STARD9: variants seen among roughly 807,000 people sequenced by gnomAD.
STARD9 encodes StAR related lipid transfer domain containing 9.
STARD9 carries 346 observed loss-of-function variants against 399.8 expected under a neutral mutation model. That is an observed-to-expected ratio of 0.87 (90% CI 0.79 to 0.95). The LOEUF is 0.95. STARD9 is among the 40% of genes least tolerant of loss of function. STARD9 has a pLI of 0.00. For missense variants in STARD9, 5,832 were observed against 5,667.5 expected (o/e 1.03, Z -0.93); for synonymous variants, 2,203 against 2,143.5 (o/e 1.03, Z -0.77).
chr15:42,703,363 GTTTGT>G (rs1039925757), intron 26 of STARD9, among the ~76,000 whole-genome samples: 9 of 123,428 alleles, frequency 7.3e-5, no homozygotes, highest in African/African-American at 3.4e-4. Context: ...TTTTTGTTTT[GTTTGT>G]TTTTTTTTTT....
At chr15:42,695,984 CCT>C in intron 26 of STARD9, 104 bp downstream of exon 26, 1 of 1,272,416 alleles carries the variant, frequency 7.9e-7, no homozygotes, top group Non-Finnish European at 1.1e-6. Flanking sequence ...CGCCGTGCCT[CCT>C]GGAGGCCACT....
At position 42,689,293 on chromosome 15, in the gene STARD9, G is replaced by A; in HGVS notation, c.7715G>A (p.Gly2572Asp). 1 of 1,537,210 alleles carries A rather than the reference G, an allele frequency of 6.5e-7. No individual in the cohort carries two copies. Reference sequence around the variant, plus strand: ...CAGCTTCATGACTTTGTGGCCAGGGGCACAGTCCTTTCTTACTGTGAAACT... The same window carrying A: ...CAGCTTCATGACTTTGTGGCCAGGGACACAGTCCTTTCTTACTGTGAAACT... ...RKQLHDFVAR[G>D]TVLSYCETLL... Residue 2572 changes from glycine to aspartate, a missense_variant, in exon 23 of 33, where the codon GGC becomes GAC. Physicochemically the swap from Gly to Asp is moderately conservative, Grantham distance 94 (BLOSUM62 -1). Around this residue, in one of 2 missense-constraint regions of STARD9, gnomAD observed 5,828 missense variants for 5,651.1 expected, o/e 1.03. Transcript: ENST00000290607.
rs1386429529 is a variant in STARD9, at chr15:42,690,816, G to C, written c.9238G>C (p.Gly3080Arg). The stretch of plus-strand genomic sequence containing the variant: ...CCACTCAGCTACTGATGGAAGCGTG[G>C]GGTTAATAGGGGTTCCTGAGAAAAA... The part of the protein sequence containing the change: ...FSHSATDGSV[G>R]LIGVPEKKVA... Residue 3080 changes from glycine (G) to arginine (R), a missense_variant, in exon 23 of 33, where the codon GGG becomes CGG. Physicochemically the swap from Gly to Arg is moderately radical, Grantham distance 125. Coordinates refer to ENST00000290607, the MANE Select transcript of STARD9 (RefSeq NM_020759.3). 1 of 1,537,184 alleles carries C rather than the reference G, an allele frequency of 6.5e-7. No individual in the cohort carries two copies. The highest frequency in any genetic ancestry group is 2.4e-5 in the East Asian group (1 of 40,916).
chr15:42,692,539 C>T lies in STARD9; in HGVS notation c.10961C>T (p.Thr3654Ile). The part of the protein sequence containing the change: ...TLGSRRHWSS[T>I]DISFAQPEAS... ...GGCAGCAGGCGCCACTGGAGCAGCA[C>T]TGACATCTCCTTTGCTCAGCCTGAA... Residue 3654 changes from threonine (T) to isoleucine (I), a missense_variant, in exon 23 of 33, where the codon ACT becomes ATT. Physicochemically the swap from Thr to Ile is moderately conservative, Grantham distance 89. Coordinates refer to ENST00000290607, the MANE Select transcript of STARD9 (RefSeq NM_020759.3). The T allele has an allele frequency of 1.3e-6, 2 of 1,537,206 alleles. No homozygotes were observed. Among genetic ancestry groups the T allele is most frequent in the Non-Finnish European group, 1.7e-6 (2 of 1,146,916 alleles).
rs1413843830 is a variant in STARD9, at chr15:42,693,283, T to C, written c.11705T>C (p.Leu3902Pro). The change falls in exon 23 of 33, where the codon CTC becomes CCC. Residue 3902 changes from leucine (L) to proline (P), a missense_variant. By Grantham distance (98) the Leu-to-Pro change is moderately conservative. Transcript: ENST00000290607. ...GTGGACAGGGCCTCCTCCCCAATCC[T>C]CACTCTTAGTGCCAGCACCCAAGAG... is the stretch of plus-strand genomic sequence containing the variant. ...LFVDRASSPI[L>P]TLSASTQEPG... 1 of 1,537,010 alleles carries C rather than the reference T, an allele frequency of 6.5e-7. No individual in the cohort carries two copies. The highest frequency in any genetic ancestry group is 8.7e-7 in the Non-Finnish European group (1 of 1,146,848).
chr15:42,701,766 A>T (rs1179476717), intron 26 of STARD9, among the ~76,000 whole-genome samples: 1 of 152,020 alleles, frequency 6.6e-6, no homozygotes, highest in Non-Finnish European at 1.5e-5. Context: ...AGGCTGAGGC[A>T]GGCTGATCAC....
chr15:42,628,324 T>C (rs1380870710), intron 3 of STARD9, among the ~76,000 whole-genome samples: 1 of 152,238 alleles, frequency 6.6e-6, no homozygotes, highest in Non-Finnish European at 1.5e-5. Flanking sequence ...GTATTCTGGT[T>C]ATTAATCCTT....
At chr15:42,655,452 T>C (rs552969470) in intron 9 of STARD9, among the ~76,000 whole-genome samples, 46 of 152,320 alleles carry the variant, frequency 3.0e-4, no homozygotes, top group African/African-American at 1.1e-3. Context: ...AGTCAACCGA[T>C]CTTTGACAAA....
At position 42,718,958 on chromosome 15, in the gene STARD9, C is replaced by A. The variant is rs976281898; in HGVS notation, c.14001+48C>A. ...CCTCACAGCACAGGCTGACTTGGTC[C>A]CACAGCCCCCTGGGATTTTTCTGTC... is the stretch of plus-strand genomic sequence containing the variant. On this transcript the variant is annotated intron_variant, in intron 32 of 32. Transcript: ENST00000290607. The A allele has an allele frequency of 2.0e-6, 3 of 1,505,528 alleles. No individual in the cohort carries two copies. In the African/African-American group the frequency reaches 4.1e-5, roughly 21 times the overall value. The allele number at this position is 1,505,528 out of a possible 1,614,324, so 93.3% of individuals were successfully genotyped here.
intron 16 of STARD9, chr15:42,672,867 G>A (rs1207744959): frequency 6.6e-6 from 1 of 152,318 alleles, no homozygotes; most frequent in Non-Finnish European, 1.5e-5. Context: ...GGAGGCTGAG[G>A]TAGGCAGATC....
rs146459697 is a variant in STARD9 at position 42,710,379 on chromosome 15, T to C, written c.13285-6298T>C. 1.2e-4 allele frequency among the ~76,000 whole-genome samples: 18 copies of C among 152,200 alleles called. 1 individual carries two copies. In the East Asian group the frequency reaches 3.3e-3, roughly 28 times the overall value. ...GCCTGGCCCTTGAGCACTTCTTTAA[T>C]TGATTTTTTTATTGTTATAATCCAT... On this transcript the variant is annotated intron_variant, in intron 26 of 32. Transcript: ENST00000290607.
chr15:42,618,793 C>G lies in STARD9; in HGVS notation c.235-16063C>G, dbSNP rs553955311. Reference sequence around the variant, plus strand: ...TGTATTTTTATTAGAGATGGGGTTTCACCATCTTGACCTTGTGATCCACCT... The same window carrying G: ...TGTATTTTTATTAGAGATGGGGTTTGACCATCTTGACCTTGTGATCCACCT... On this transcript the variant is annotated intron_variant, in intron 3 of 32. Coordinates refer to ENST00000290607, the MANE Select transcript of STARD9 (RefSeq NM_020759.3). Among the ~76,000 whole-genome samples, 72 of 152,036 alleles carry G rather than the reference C, an allele frequency of 4.7e-4. 1 individual carries two copies. In the South Asian group the frequency reaches 0.015, roughly 31 times the overall value.
At chr15:42,707,458 G>C (rs1447044790) in intron 26 of STARD9, among the ~76,000 whole-genome samples, 3 of 149,642 alleles carry the variant, frequency 2.0e-5, no homozygotes, top group Non-Finnish European at 4.4e-5. Context: ...GCAGAATACT[G>C]AGTGAAAAAC....
At position 42,693,605 on chromosome 15, in the gene STARD9, C is replaced by T. The variant is rs1020526167; in HGVS notation, c.12027C>T (p.Ile4009=). 42 of 1,537,126 alleles carry T rather than the reference C, an allele frequency of 2.7e-5. No individual in the cohort carries two copies. The highest frequency in any genetic ancestry group is 1.1e-4 in the African/African-American group (8 of 73,050). ...AGCAGCTTCAGCCCAGGACAACTATCGGGGTCCAAAGCAGACTGCTGCCAC... is the reference window on the plus strand; with the variant it reads ...AGCAGCTTCAGCCCAGGACAACTATTGGGGTCCAAAGCAGACTGCTGCCAC... The part of the protein sequence containing the change: ...HPQQLQPRTT[I]GVQSRLLPPP... Residue 4009 remains isoleucine (I), a synonymous_variant, in exon 23 of 33, where the codon ATC becomes ATT. Transcript: ENST00000290607.
At chr15:42,697,970 C>T (rs574092882) in intron 26 of STARD9, among the ~76,000 whole-genome samples, 8 of 152,284 alleles carry the variant, frequency 5.3e-5, no homozygotes, top group African/African-American at 1.9e-4. Flanking sequence ...TGGAAGGTAT[C>T]CTCCTAGGGG....
chr15:42,615,600 G>A (rs1398346557), intron 3 of STARD9, among the ~76,000 whole-genome samples: 1 of 151,190 alleles, frequency 6.6e-6, no homozygotes, highest in East Asian at 1.9e-4. Flanking sequence ...ATAAAAATGT[G>A]TGTGTTTATG....
intron 16 of STARD9, chr15:42,673,852 C>T (rs909080306): frequency 1.1e-5 from 5 of 452,592 alleles, no homozygotes; most frequent in Admixed American, 4.8e-5. Context: ...TCCCCCTCCT[C>T]TCTTACACTC....
chr15:42,583,083 T>C (rs937736920), intron 1 of STARD9, among the ~76,000 whole-genome samples: 3 of 152,168 alleles, frequency 2.0e-5, no homozygotes, highest in Non-Finnish European at 4.4e-5. Context: ...AAGAACAATA[T>C]GTAGTGCCCC....
intron 7 of STARD9, 72 bp downstream of exon 7, chr15:42,638,884 C>G (rs931393760): frequency 1.2e-6 from 1 of 827,696 alleles, no homozygotes; most frequent in Non-Finnish European, 1.9e-6. Flanking sequence ...TTCCCTAATT[C>G]ATTGAACATA....
Sources: allele counts gnomAD v4.1 joint callset (sites outside exome capture counted in the v4.1 genomes callset), GRCh38; gene constraint gnomAD v4.1.1; regional missense constraint gnomAD v4.1.1; transcripts MANE v1.5; gene names NCBI Gene and HGNC (gene_info 2026-07-23, HGNC 2026-07-21).